Variants in PIK3CB observed in about 807,000 individuals in gnomAD.
PIK3CB encodes phosphatidylinositol-4,5-bisphosphate 3-kinase catalytic subunit beta.
A neutral mutation model predicts 136.8 loss-of-function variants in PIK3CB; 39 were observed. That is an observed-to-expected ratio of 0.29 (90% CI 0.22 to 0.37). PIK3CB has a LOEUF of 0.37. PIK3CB is among the 10% of genes least tolerant of loss of function. The pLI, the probability that PIK3CB is intolerant of heterozygous loss-of-function variation, is 1.00. For synonymous variants in PIK3CB, 428 were observed against 436.6 expected (o/e 0.98, Z 0.25); for missense variants, 868 against 1,275.4 (o/e 0.68, Z 4.87).
At chr3:138,824,924 G>A in intron 1 of PIK3CB, 1 of 157,460 alleles carries the variant, frequency 6.4e-6, no homozygotes, top group Admixed American at 6.5e-5. Context: ...AGTTAGCTGG[G>A]CATAATGGTG....
intron 8 of PIK3CB, among the ~76,000 whole-genome samples, chr3:138,731,542 C>T (rs1429959526): frequency 1.3e-5 from 2 of 151,740 alleles, no homozygotes; most frequent in African/African-American, 4.8e-5. Flanking sequence ...TGTGAGCTAC[C>T]ACGCCCAGCC....
intron 2 of PIK3CB, among the ~76,000 whole-genome samples, chr3:138,777,417 A>G (rs2108778675): frequency 1.3e-5 from 2 of 152,328 alleles, no homozygotes; most frequent in East Asian, 3.9e-4. Context: ...AGCTCAGGAC[A>G]GACACATGGG....
intron 1 of PIK3CB, among the ~76,000 whole-genome samples, 188 bp downstream of exon 1, chr3:138,834,507 C>G (rs959410552): frequency 6.6e-6 from 1 of 152,188 alleles, no homozygotes; most frequent in Non-Finnish European, 1.5e-5. Flanking sequence ...AGCCAGACGC[C>G]CCCACCGGCC....
At chr3:138,828,330 C>T (rs962407524) in intron 1 of PIK3CB, among the ~76,000 whole-genome samples, 3 of 151,414 alleles carry the variant, frequency 2.0e-5, no homozygotes, top group African/African-American at 4.8e-5. Flanking sequence ...GGATTACAGG[C>T]GCCCGCCACC....
intron 1 of PIK3CB, among the ~76,000 whole-genome samples, chr3:138,812,044 T>C (rs1041322730): frequency 9.9e-5 from 15 of 152,032 alleles, no homozygotes; most frequent in African/African-American, 3.4e-4. Flanking sequence ...TGAGTTATGA[T>C]CGTACCACTA....
At position 138,820,680 on chromosome 3, in the gene PIK3CB, G is replaced by C. The variant is rs141924014; in HGVS notation, c.-122+14015C>G. Among the ~76,000 whole-genome samples, 1,362 of 152,190 alleles carry C rather than the reference G, an allele frequency of 8.9e-3. 9 individuals carry two copies. The highest frequency in any genetic ancestry group is 0.014 in the Non-Finnish European group (925 of 68,016). ...GGCTAATTTTTGTACTTTTATTAGAGACAGGGTTTCACCATGTTGGCCAGG... is the reference window on the plus strand; with the variant it reads ...GGCTAATTTTTGTACTTTTATTAGACACAGGGTTTCACCATGTTGGCCAGG... On this transcript the variant is annotated intron_variant, in intron 1 of 23. Coordinates refer to ENST00000674063, the MANE Select transcript of PIK3CB (RefSeq NM_006219.3).
At chr3:138,657,912 T>G in intron 21 of PIK3CB, 77 bp from the exon 22 acceptor site, 1 of 1,418,402 alleles carries the variant, frequency 7.1e-7, no homozygotes, top group South Asian at 1.3e-5. Flanking sequence ...TCCATAGTCC[T>G]AGACCCCCAG....
At chr3:138,825,012 G>T in intron 1 of PIK3CB, 2 of 217,486 alleles carry the variant, frequency 9.2e-6, no homozygotes, top group East Asian at 1.0e-4. Flanking sequence ...AGTGGGCCAC[G>T]ATTGCACCAC....
chr3:138,750,359 TG>T (rs1186794979), intron 4 of PIK3CB, among the ~76,000 whole-genome samples: 3 of 150,844 alleles, frequency 2.0e-5, no homozygotes, highest in Non-Finnish European at 3.0e-5. Flanking sequence ...TGCAATAGAA[TG>T]GGGGTGGGGG....
In PIK3CB at chr3:138,742,718, T is replaced by C. The variant is rs930943712; in HGVS notation, c.461A>G (p.Lys154Arg). The change falls in exon 5 of 24, where the codon AAA becomes AGA. Residue 154 changes from lysine to arginine, a missense_variant. Lys to Arg is a conservative substitution (Grantham distance 26). Around this residue, in one of 4 missense-constraint regions of PIK3CB, gnomAD observed 612 missense variants for 801.1 expected, o/e 0.76. Coordinates refer to ENST00000674063, the MANE Select transcript of PIK3CB (RefSeq NM_006219.3). The part of the protein sequence containing the change: ...EVNEFRRKMR[K>R]FSEEKILSLV... ...TGACAGGATTTTTTCCTCGCTGAAT[T>C]TGCGCATTTTTCTTCGAAATTCATT... 1 of 1,613,720 alleles carries C rather than the reference T, an allele frequency of 6.2e-7. No homozygotes were observed. Among genetic ancestry groups the C allele is most frequent in the Admixed American group, 1.7e-5 (1 of 59,960 alleles).
intron 8 of PIK3CB, among the ~76,000 whole-genome samples, chr3:138,720,611 A>C (rs2044705460): frequency 6.6e-6 from 1 of 152,212 alleles, no homozygotes; most frequent in Admixed American, 6.5e-5. Flanking sequence ...TTACACCTGT[A>C]ATCCCAGCAC....
intron 5 of PIK3CB, among the ~76,000 whole-genome samples, chr3:138,739,993 C>T (rs967364925): frequency 6.6e-6 from 1 of 151,874 alleles, no homozygotes; most frequent in Admixed American, 6.6e-5. Flanking sequence ...GTTATGTATG[C>T]ACCAGGAAGC....
At chr3:138,709,740 A>G (rs1411411654) in intron 10 of PIK3CB, among the ~76,000 whole-genome samples, 1 of 152,168 alleles carries the variant, frequency 6.6e-6, no homozygotes, top group East Asian at 1.9e-4. Context: ...ACCACCAAAA[A>G]TTGTAATTTT....
At chr3:138,747,032 T>C (rs1245561784) in intron 4 of PIK3CB, among the ~76,000 whole-genome samples, 1 of 117,492 alleles carries the variant, frequency 8.5e-6, no homozygotes, top group African/African-American at 3.1e-5. Flanking sequence ...CCATCTACAG[T>C]ACATATCAAG....
chr3:138,749,167 A>G (rs767396233), intron 4 of PIK3CB, among the ~76,000 whole-genome samples: 4 of 152,192 alleles, frequency 2.6e-5, no homozygotes, highest in Admixed American at 6.5e-5. Flanking sequence ...CATTCTATTC[A>G]CAGGCAATAG....
intron 1 of PIK3CB, among the ~76,000 whole-genome samples, chr3:138,818,736 C>T (rs1294393262): frequency 6.6e-6 from 1 of 152,180 alleles, no homozygotes; most frequent in Non-Finnish European, 1.5e-5. Context: ...ATGTGCTGGA[C>T]TCAATGCTTC....
In PIK3CB at chr3:138,671,790, C is replaced by A. The variant is rs1443756721; in HGVS notation, c.2505-6587G>T. ...AGCACACCTGAACAAAGGGGCACGA[C>A]AGCCTTTATTCCTGACGCAAGTCCT... On this transcript the variant is annotated intron_variant, in intron 19 of 23. Coordinates refer to ENST00000674063, the MANE Select transcript of PIK3CB (RefSeq NM_006219.3). 4.6e-5 allele frequency among the ~76,000 whole-genome samples: 7 copies of A among 152,268 alleles called. No homozygotes were observed. The East Asian group carries it at 1.3e-3, about 29-fold the overall frequency.
chr3:138,709,368 T>G (rs111245503), intron 10 of PIK3CB, among the ~76,000 whole-genome samples: 30 of 151,746 alleles, frequency 2.0e-4, no homozygotes, highest in African/African-American at 6.8e-4. Context: ...GAAGATATGG[T>G]GATATGTAGA....
intron 1 of PIK3CB, among the ~76,000 whole-genome samples, chr3:138,811,423 G>GA (rs1179881418): frequency 6.6e-6 from 1 of 150,432 alleles, no homozygotes; most frequent in Non-Finnish European, 1.5e-5. Context: ...TGATATGCAA[G>GA]AAAATTACCT....
Sources: gnomAD v4.1 joint callset for allele counts (sites outside exome capture counted in the v4.1 genomes callset) on GRCh38, gnomAD v4.1.1 for gene constraint, gnomAD v4.1.1 regional missense constraint, MANE v1.5 for transcripts, NCBI Gene and HGNC (gene_info 2026-07-23, HGNC 2026-07-21) for gene names.